Variants in INTS9 observed in about 807,000 individuals in gnomAD.
The protein encoded by INTS9 is integrator complex subunit 9, also known as protein related to CPSF subunits of 74 kDa.
Under a neutral mutation model 79.7 loss-of-function variants are expected in INTS9, and 55 were observed. The observed-to-expected ratio is 0.69, with a 90% confidence interval of 0.56 to 0.86. The LOEUF (loss-of-function observed/expected upper bound fraction) is 0.86, where lower values mean the gene tolerates loss of function less well. INTS9 is among the 40% of genes least tolerant of loss of function. INTS9 has a pLI of 0.00. For synonymous variants in INTS9, 319 were observed against 325.2 expected, an observed-to-expected ratio of 0.98 and a Z score of 0.20; for missense variants, 721 against 831.5, an observed-to-expected ratio of 0.87 and a Z score of 1.64.
intron 4 of INTS9, among the ~76,000 whole-genome samples, chr8:28,842,581 C>T (rs550172056): frequency 2.0e-5 from 3 of 152,256 alleles, no homozygotes; most frequent in African/African-American, 7.2e-5. Context: ...TCATCTTGGT[C>T]GGGTCATCTT....
intron 6 of INTS9, among the ~76,000 whole-genome samples, chr8:28,824,997 C>A (rs1415177364): frequency 3.9e-5 from 6 of 152,212 alleles, no homozygotes; most frequent in Admixed American, 3.3e-4. Flanking sequence ...GCCCCAGAAG[C>A]ACATGCATTT....
chr8:28,769,623 G>A lies in INTS9; in HGVS notation c.1800+266C>T, dbSNP rs964791518. On this transcript the variant is annotated intron_variant, in intron 16 of 16. Coordinates refer to ENST00000521022, the MANE Select transcript of INTS9 (RefSeq NM_018250.4). ...CTGGCCTCACTACCCTGCCCCACTC[G>A]TCACATGTGTGTGTGGAAGCAGCTT... 7.1e-4 allele frequency: 289 copies of A among 408,488 alleles called. 2 individuals carry two copies. Among genetic ancestry groups the A allele is most frequent in the Non-Finnish European group, 9.7e-5 (22 of 226,852 alleles). The allele number at this position is 408,488 out of a possible 1,614,324, so 25.3% of individuals were successfully genotyped here. A position where few individuals can be genotyped will look rare whatever the true frequency, so the allele number is the denominator to read the frequency against.
At chr8:28,819,358 G>C (rs1437283010) in intron 6 of INTS9, among the ~76,000 whole-genome samples, 1 of 152,124 alleles carries the variant, frequency 6.6e-6, no homozygotes, top group African/African-American at 2.4e-5. Context: ...TTGTGTCTTT[G>C]TTCTTGTTGG....
At chr8:28,782,338 G>A (rs1238119443) in intron 11 of INTS9, among the ~76,000 whole-genome samples, 1 of 152,222 alleles carries the variant, frequency 6.6e-6, no homozygotes, top group African/African-American at 2.4e-5. Flanking sequence ...AAGTCCTGGT[G>A]ACAGTAACCA....
intron 11 of INTS9, among the ~76,000 whole-genome samples, chr8:28,784,497 T>G (rs939340799): frequency 2.6e-5 from 4 of 152,204 alleles, no homozygotes; most frequent in Non-Finnish European, 5.9e-5. Flanking sequence ...AAAAATAACT[T>G]CTTCAAAACC....
At chr8:28,831,093 A>G (rs1003258109) in intron 6 of INTS9, among the ~76,000 whole-genome samples, 9 of 152,380 alleles carry the variant, frequency 5.9e-5, no homozygotes, top group African/African-American at 2.2e-4. Flanking sequence ...GATTAAAAAA[A>G]TGTGGTACCT....
chr8:28,887,477 T>C (rs1430485641), intron 1 of INTS9, among the ~76,000 whole-genome samples: 2 of 152,236 alleles, frequency 1.3e-5, no homozygotes, highest in African/African-American at 4.8e-5. Flanking sequence ...GAGGTGGTCA[T>C]AGATTGTGTG....
intron 9 of INTS9, among the ~76,000 whole-genome samples, chr8:28,796,166 C>T (rs769804801): frequency 4.6e-5 from 7 of 152,092 alleles, no homozygotes; most frequent in African/African-American, 9.7e-5. Context: ...AGAAATTAGC[C>T]GGGTGTGTTG....
intron 6 of INTS9, among the ~76,000 whole-genome samples, chr8:28,823,086 A>C (rs1367833059): frequency 6.6e-6 from 1 of 152,206 alleles, no homozygotes; most frequent in Non-Finnish European, 1.5e-5. Context: ...CAGAGAGAGA[A>C]GGCTGGGGAG....
intron 16 of INTS9, among the ~76,000 whole-genome samples, chr8:28,768,876 G>A (rs1802361874): frequency 6.6e-6 from 1 of 152,232 alleles, no homozygotes; most frequent in African/African-American, 2.4e-5. Context: ...GTGTGGGGAG[G>A]CCACCTGTAC....
chr8:28,889,777 C>G (rs1810513916), intron 1 of INTS9, 97 bp downstream of exon 1: 3 of 1,363,500 alleles, frequency 2.2e-6, no homozygotes. Context: ...AATTGCTACC[C>G]CTCCCGTGCG....
chr8:28,874,359 G>A (rs923271729), intron 1 of INTS9, among the ~76,000 whole-genome samples: 1 of 151,012 alleles, frequency 6.6e-6, no homozygotes, highest in Middle Eastern at 3.4e-3. Context: ...GCGTGACCTC[G>A]GCTCACTGCA....
chr8:28,822,099 GAA>G (rs1295063086), intron 6 of INTS9, among the ~76,000 whole-genome samples: 1 of 152,046 alleles, frequency 6.6e-6, no homozygotes, highest in East Asian at 1.9e-4. Flanking sequence ...TTAAAAATCA[GAA>G]GAATTGATGT....
intron 3 of INTS9, among the ~76,000 whole-genome samples, chr8:28,848,216 C>T (rs976395713): frequency 3.3e-5 from 5 of 152,232 alleles, no homozygotes; most frequent in Admixed American, 2.6e-4. Context: ...GTTTCCTTTG[C>T]TCTTTCCAGA....
chr8:28,823,114 T>A (rs1236250313), intron 6 of INTS9, among the ~76,000 whole-genome samples: 1 of 152,014 alleles, frequency 6.6e-6, no homozygotes, highest in Non-Finnish European at 1.5e-5. Flanking sequence ...TTCAAGGAGA[T>A]AAAAGTTGTC....
At chr8:28,807,849 GTAT>G (rs1360092842) in intron 8 of INTS9, among the ~76,000 whole-genome samples, 1 of 152,142 alleles carries the variant, frequency 6.6e-6, no homozygotes, top group Non-Finnish European at 1.5e-5. Flanking sequence ...GTGCAACGTA[GTAT>G]TATAGGGCTC....
At chr8:28,844,724 G>A (rs913505672) in intron 4 of INTS9, among the ~76,000 whole-genome samples, 2 of 152,108 alleles carry the variant, frequency 1.3e-5, no homozygotes, top group Admixed American at 6.6e-5. Flanking sequence ...GCTGAGGCAG[G>A]AGAATTGCTT....
intron 16 of INTS9, 145 bp from the exon 17 acceptor site, chr8:28,768,467 G>T: frequency 1.4e-6 from 1 of 732,034 alleles, no homozygotes; most frequent in Non-Finnish European, 2.3e-6. Context: ...GCCTATGATA[G>T]TGATAGTTTC....
At chr8:28,874,571 G>C (rs2131349877) in intron 1 of INTS9, among the ~76,000 whole-genome samples, 1 of 152,120 alleles carries the variant, frequency 6.6e-6, no homozygotes, top group South Asian at 2.1e-4. Flanking sequence ...AGGATTACAG[G>C]CATGAGCCAC....
Sources: gnomAD v4.1 joint callset for allele counts (sites outside exome capture counted in the v4.1 genomes callset) on GRCh38, gnomAD v4.1.1 for gene constraint, MANE v1.5 for transcripts, NCBI Gene and HGNC (gene_info 2026-07-23, HGNC 2026-07-21) for gene names.